The following DRGX variants were observed in gnomAD, a reference collection of about 807,000 sequenced individuals.
DRGX encodes dorsal root ganglia homeobox.
Under a neutral mutation model 28.6 loss-of-function variants are expected in DRGX, and 21 were observed. That is an observed-to-expected ratio of 0.73 (90% CI 0.52 to 1.06). The LOEUF (loss-of-function observed/expected upper bound fraction) is 1.06. Ranked by LOEUF, DRGX falls within the 50% of genes least tolerant of loss-of-function variation. The pLI is 0.00. For missense variants in DRGX, 354 were observed against 343.9 expected, an observed-to-expected ratio of 1.03 and a Z score of -0.23; for synonymous variants, 136 against 139.1, an observed-to-expected ratio of 0.98 and a Z score of 0.16.
intron 4 of DRGX, 90 bp from the exon 5 acceptor site, chr10:49,386,948 A>C: frequency 5.6e-5 from 79 of 1,416,856 alleles, no homozygotes; most frequent in Non-Finnish European, 7.0e-5. Context: ...CTCACAGCTC[A>C]CCCTGCAGCC....
chr10:49,395,950 T>G lies in DRGX; in HGVS notation c.-97A>C, dbSNP rs1031433841. The G allele has an allele frequency of 6.5e-6, 1 of 154,544 alleles. No homozygotes were observed. The highest frequency in any genetic ancestry group is 6.5e-5 in the Admixed American group (1 of 15,312). The allele number at this position is 154,544 out of a possible 1,614,324, so 9.6% of individuals were successfully genotyped here. A position where few individuals can be genotyped will look rare whatever the true frequency, so the allele number is the denominator to read the frequency against. On this transcript the variant is annotated 5_prime_UTR_variant, in exon 1 of 7. Coordinates refer to ENST00000374139, the MANE Select transcript of DRGX (RefSeq NM_001276451.2). The stretch of plus-strand genomic sequence containing the variant: ...CCGAGCATACCTCGGCGGGCGGCGG[T>G]CGAGGAGGTCGGAGCGTGACCGCCT...
At chr10:49,380,649 C>T (rs116553329) in intron 6 of DRGX, among the ~76,000 whole-genome samples, 1 of 152,136 alleles carries the variant, frequency 6.6e-6, no homozygotes, top group East Asian at 1.9e-4. Context: ...CTGCTTGAAG[C>T]CCCAGGGAGC....
intron 2 of DRGX, among the ~76,000 whole-genome samples, chr10:49,393,277 G>A (rs1374558758): frequency 6.6e-6 from 1 of 152,082 alleles, no homozygotes; most frequent in Non-Finnish European, 1.5e-5. Context: ...AAAAAGCAAA[G>A]TACAGAATGA....
intron 6 of DRGX, among the ~76,000 whole-genome samples, chr10:49,371,445 G>A (rs1269551875): frequency 6.6e-6 from 1 of 152,056 alleles, no homozygotes; most frequent in Non-Finnish European, 1.5e-5. Context: ...TTGAGCCCAG[G>A]AGTTTTGAGA....
At chr10:49,376,338 C>A (rs1849716616) in intron 6 of DRGX, among the ~76,000 whole-genome samples, 1 of 152,214 alleles carries the variant, frequency 6.6e-6, no homozygotes, top group Admixed American at 6.5e-5. Context: ...ACGACCACTT[C>A]TGTCCCCTTG....
chr10:49,389,359 C>T (rs1369038433), intron 4 of DRGX, among the ~76,000 whole-genome samples: 2 of 152,134 alleles, frequency 1.3e-5, no homozygotes, highest in East Asian at 3.8e-4. Flanking sequence ...ATAGTCTTAA[C>T]CCCAAGCCCC....
intron 4 of DRGX, among the ~76,000 whole-genome samples, chr10:49,388,596 T>C (rs1270742593): frequency 6.6e-6 from 1 of 152,380 alleles, no homozygotes; most frequent in East Asian, 1.9e-4. Flanking sequence ...TGCGTCTTAA[T>C]TGAATGAAGG....
Position 49,391,217 on chromosome 10 carries a change from C to A in DRGX, c.79G>T (p.Gly27Trp). The A allele has an allele frequency of 6.2e-7, 1 of 1,612,560 alleles. No homozygotes were observed. The highest frequency in any genetic ancestry group is 1.1e-5 in the South Asian group (1 of 90,590). ...GNHSSGDFDD[G>W]FLRRKQRRNR... ...CGGCGCTGTTTTCTACGCAGAAACC[C>A]GTCATCAAAATCCCCCGAAGAGTGA... Residue 27 changes from glycine (G) to tryptophan (W), a missense_variant, in exon 3 of 7, where the codon GGG becomes TGG. By Grantham distance (184) the Gly-to-Trp change is radical (BLOSUM62 -2). Transcript: ENST00000374139.
intron 2 of DRGX, among the ~76,000 whole-genome samples, chr10:49,392,154 C>G (rs999024150): frequency 7.9e-5 from 12 of 152,230 alleles, no homozygotes; most frequent in African/African-American, 2.7e-4. Flanking sequence ...CTTAGGAAAA[C>G]AAATGAGCAA....
chr10:49,391,301 C>T (rs770369019), intron 2 of DRGX, 40 bp from the exon 3 acceptor site: 25 of 1,577,920 alleles, frequency 1.6e-5, no homozygotes, highest in Middle Eastern at 3.3e-4. Context: ...AGGAAGGGGC[C>T]CCAGTCCTCA....
At chr10:49,375,010 T>C (rs1029460173) in intron 6 of DRGX, among the ~76,000 whole-genome samples, 3 of 152,230 alleles carry the variant, frequency 2.0e-5, no homozygotes, top group African/African-American at 4.8e-5. Context: ...CAGTTCCTTA[T>C]AGTTCACAAG....
chr10:49,390,117 T>TA lies in DRGX; in HGVS notation c.234+15dup. The stretch of plus-strand genomic sequence containing the variant: ...TTTTAATATTAGAGAGTTAAATAAT[T>TA]AAAAAGAAGGTTTACCTGCACTCTG... On this transcript the variant is annotated intron_variant, in intron 4 of 6. Transcript: ENST00000374139. 2 of 1,587,146 alleles carry TA rather than the reference T, an allele frequency of 1.3e-6. No homozygotes were observed. Among genetic ancestry groups the TA allele is most frequent in the Non-Finnish European group, 1.7e-6 (2 of 1,167,868 alleles).
chr10:49,373,252 T>A (rs1487222949), intron 6 of DRGX, among the ~76,000 whole-genome samples: 1 of 152,050 alleles, frequency 6.6e-6, no homozygotes, highest in Non-Finnish European at 1.5e-5. Flanking sequence ...TAGAACACAC[T>A]ACAACTACGA....
intron 6 of DRGX, among the ~76,000 whole-genome samples, chr10:49,369,431 G>T (rs887245637): frequency 2.0e-5 from 3 of 152,182 alleles, no homozygotes; most frequent in Non-Finnish European, 4.4e-5. Flanking sequence ...AAAAGGAAGG[G>T]AATTCTGACA....
chr10:49,387,217 CG>C (rs1307018190), intron 4 of DRGX, among the ~76,000 whole-genome samples: 1 of 152,104 alleles, frequency 6.6e-6, no homozygotes, highest in Non-Finnish European at 1.5e-5. Context: ...AAACCTGACC[CG>C]GGGCTTCCTC....
intron 6 of DRGX, among the ~76,000 whole-genome samples, chr10:49,374,805 G>A (rs1301863284): frequency 6.6e-6 from 1 of 152,220 alleles, no homozygotes; most frequent in South Asian, 2.1e-4. Context: ...ATTAAGGTAT[G>A]TAGACTCCAA....
Position 49,377,430 on chromosome 10 carries a change from C to T in DRGX, c.526+9048G>A, listed in dbSNP as rs973615631. On this transcript the variant is annotated intron_variant, in intron 6 of 6. Transcript: ENST00000374139. ...GCAGTCAGTCTTCAATGGACCACAC[C>T]TCCCAGGACTCACACCCACGTGCAG... is the stretch of plus-strand genomic sequence containing the variant. 3.9e-5 allele frequency among the ~76,000 whole-genome samples: 6 copies of T among 152,360 alleles called. No homozygotes were observed. The Middle Eastern group carries it at 0.01, about 259-fold the overall frequency.
At chr10:49,382,612 AAGG>A (rs1164306743) in intron 6 of DRGX, among the ~76,000 whole-genome samples, 1 of 152,132 alleles carries the variant, frequency 6.6e-6, no homozygotes, top group East Asian at 1.9e-4. Context: ...AACCTAAGAG[AAGG>A]AGAAGACTGG....
intron 6 of DRGX, among the ~76,000 whole-genome samples, chr10:49,379,599 C>T (rs1026330917): frequency 6.6e-6 from 1 of 152,208 alleles, no homozygotes; most frequent in African/African-American, 2.4e-5. Flanking sequence ...ACACTTCAGC[C>T]TGGCCTGGAA....
Sources: gnomAD v4.1 joint callset for allele counts (sites outside exome capture counted in the v4.1 genomes callset) on GRCh38, gnomAD v4.1.1 for gene constraint, MANE v1.5 for transcripts, NCBI Gene and HGNC (gene_info 2026-07-23, HGNC 2026-07-21) for gene names.